The following STXBP5L variants were observed in gnomAD, a reference collection of about 807,000 sequenced individuals.
STXBP5L encodes the protein syntaxin-binding protein 5-like.
STXBP5L carries 65 observed loss-of-function variants against 144.5 expected under a neutral mutation model. The observed-to-expected ratio is 0.45, with a 90% confidence interval of 0.37 to 0.55. STXBP5L has a LOEUF of 0.55. STXBP5L is among the 20% of genes least tolerant of loss of function. STXBP5L has a pLI of 0.00. For synonymous variants in STXBP5L, 505 were observed against 469.6 expected (o/e 1.08, Z -0.97); for missense variants, 1,298 against 1,405.5 (o/e 0.92, Z 1.22).
chr3:121,015,323 C>G (rs1379518236), intron 3 of STXBP5L, among the ~76,000 whole-genome samples: 3 of 152,078 alleles, frequency 2.0e-5, no homozygotes, highest in African/African-American at 7.2e-5. Context: ...GTTGTTACTC[C>G]CATTCTTAAA....
chr3:121,173,527 C>A (rs1367663020), intron 9 of STXBP5L, among the ~76,000 whole-genome samples: 1 of 151,978 alleles, frequency 6.6e-6, no homozygotes, highest in Admixed American at 6.6e-5. Context: ...AGTAAAAAAT[C>A]TATGTATAAG....
At chr3:121,235,842 TAC>T (rs371102820) in intron 12 of STXBP5L, among the ~76,000 whole-genome samples, 2,577 of 143,708 alleles carry the variant, frequency 0.018, 64 homozygotes, top group African/African-American at 0.056. Context: ...CACACACACA[TAC>T]ACACACACAC....
At chr3:121,203,071 G>GTT (rs35703773) in intron 9 of STXBP5L, among the ~76,000 whole-genome samples, 140 of 143,236 alleles carry the variant, frequency 9.8e-4, no homozygotes, top group Non-Finnish European at 1.5e-3. Context: ...CTTTTTTTCT[G>GTT]TTTTTTTTTT....
chr3:121,215,459 T>C (rs150260187), intron 10 of STXBP5L, among the ~76,000 whole-genome samples: 2,937 of 152,340 alleles, frequency 0.019, 90 homozygotes, highest in African/African-American at 0.066. Flanking sequence ...CCTTCACTTA[T>C]GAAGCTTAGT....
Position 120,982,532 on chromosome 3 carries a change from A to G in STXBP5L, c.287+27495A>G, listed in dbSNP as rs544097196. ...GGCTCATGACTCTCAGTTTAGTCAGACATGGTTGTCTACCTCCAGGCCACA... is the reference window on the plus strand; with the variant it reads ...GGCTCATGACTCTCAGTTTAGTCAGGCATGGTTGTCTACCTCCAGGCCACA... On this transcript the variant is annotated intron_variant, in intron 3 of 26. Transcript: ENST00000471454. Among the ~76,000 whole-genome samples the G allele has an allele frequency of 1.3e-5, 2 of 152,178 alleles. 1 individual carries two copies. The highest frequency in any genetic ancestry group is 2.9e-5 in the Non-Finnish European group (2 of 68,018).
In STXBP5L at chr3:121,095,748, G is replaced by A. The variant is rs567192696; in HGVS notation, c.471-19177G>A. On this transcript the variant is annotated intron_variant, in intron 5 of 26. Transcript: ENST00000471454. The stretch of plus-strand genomic sequence containing the variant: ...GGGTTCGAACTTCCTCCTTTAGCTC[G>A]GAGAAGTTTGATCGTCTGAAGCCTT... Among the ~76,000 whole-genome samples, 57 of 151,056 alleles carry A rather than the reference G, an allele frequency of 3.8e-4. 1 individual carries two copies. The Middle Eastern group carries it at 0.02, about 54-fold the overall frequency.
At chr3:121,075,918 T>C (rs1367299844) in intron 5 of STXBP5L, among the ~76,000 whole-genome samples, 1 of 152,206 alleles carries the variant, frequency 6.6e-6, no homozygotes. Flanking sequence ...TACAGTGCTC[T>C]TCTGTATTAA....
intron 16 of STXBP5L, among the ~76,000 whole-genome samples, chr3:121,255,616 A>G (rs768494199): frequency 5.9e-5 from 9 of 151,936 alleles, no homozygotes; most frequent in Non-Finnish European, 1.0e-4. Flanking sequence ...ACTTTTATTA[A>G]TTTTTAAGTT....
chr3:121,333,503 G>C (rs2044397632), intron 20 of STXBP5L, among the ~76,000 whole-genome samples: 1 of 149,710 alleles, frequency 6.7e-6, no homozygotes, highest in Admixed American at 6.7e-5. Context: ...CAAAGCAGAA[G>C]ACAAGAAATA....
At chr3:121,012,106 A>G (rs879725409) in intron 3 of STXBP5L, among the ~76,000 whole-genome samples, 1 of 151,914 alleles carries the variant, frequency 6.6e-6, no homozygotes, top group South Asian at 2.1e-4. Context: ...TTCATTTAAT[A>G]TAATGTTTGC....
chr3:121,394,604 T>G (rs1472089110), intron 22 of STXBP5L, among the ~76,000 whole-genome samples: 2 of 80,400 alleles, frequency 2.5e-5, no homozygotes, highest in Non-Finnish European at 5.4e-5. Flanking sequence ...TGTTGAGGGT[T>G]TTTTTTTTTT....
intron 7 of STXBP5L, among the ~76,000 whole-genome samples, chr3:121,123,868 A>G (rs1267370997): frequency 1.3e-5 from 2 of 151,584 alleles, no homozygotes; most frequent in Non-Finnish European, 3.0e-5. Flanking sequence ...AAGTTTTTTT[A>G]TTTTAATATA....
At chr3:120,949,515 C>G (rs1711065013) in intron 2 of STXBP5L, among the ~76,000 whole-genome samples, 1 of 152,002 alleles carries the variant, frequency 6.6e-6, no homozygotes. Flanking sequence ...AAGAGTTTTT[C>G]CAATGTTATC....
At chr3:121,107,821 A>G (rs1296113678) in intron 5 of STXBP5L, among the ~76,000 whole-genome samples, 2 of 152,152 alleles carry the variant, frequency 1.3e-5, no homozygotes, top group Admixed American at 1.3e-4. Flanking sequence ...CATTTTCACA[A>G]TATTGATGCT....
In STXBP5L at chr3:121,345,639, T is replaced by C. The variant is rs564191484; in HGVS notation, c.2176+27099T>C. On this transcript the variant is annotated intron_variant, in intron 20 of 26. Transcript: ENST00000471454. ...CACTCCCACAAACAGTGTAAAAGCG[T>C]GCCTATTTCTCCACATCCTCTCCAG... is the stretch of plus-strand genomic sequence containing the variant. 3.5e-4 allele frequency among the ~76,000 whole-genome samples: 53 copies of C among 152,174 alleles called. No individual in the cohort carries two copies. The East Asian group carries it at 9.5e-3, about 27-fold the overall frequency.
At chr3:121,024,091 A>C (rs540551481) in intron 3 of STXBP5L, among the ~76,000 whole-genome samples, 95 of 152,264 alleles carry the variant, frequency 6.2e-4, no homozygotes, top group African/African-American at 2.2e-3. Flanking sequence ...AATGAAAAAT[A>C]AAAATTGCCC....
At chr3:121,314,549 C>T (rs1268869848) in intron 19 of STXBP5L, among the ~76,000 whole-genome samples, 3 of 147,422 alleles carry the variant, frequency 2.0e-5, no homozygotes, top group East Asian at 4.0e-4. Context: ...GCAGCAGTAC[C>T]GTCCAGCTTT....
intron 20 of STXBP5L, among the ~76,000 whole-genome samples, chr3:121,342,288 C>T (rs1223424367): frequency 6.6e-6 from 1 of 151,970 alleles, no homozygotes; most frequent in African/African-American, 2.4e-5. Context: ...GAATTCAAGC[C>T]TTGAATGTAT....
At chr3:121,287,410 T>C (rs1404506844) in intron 19 of STXBP5L, among the ~76,000 whole-genome samples, 2 of 152,010 alleles carry the variant, frequency 1.3e-5, no homozygotes, top group Non-Finnish European at 2.9e-5. Flanking sequence ...ATAAGGTTAA[T>C]ATACAAAATT....
Sources: allele counts gnomAD v4.1 joint callset (sites outside exome capture counted in the v4.1 genomes callset), GRCh38; gene constraint gnomAD v4.1.1; transcripts MANE v1.5; gene names NCBI Gene and HGNC (gene_info 2026-07-23, HGNC 2026-07-21).